Variants in DPF2 observed in about 807,000 individuals in gnomAD.
The protein encoded by DPF2 is zinc finger protein ubi-d4.
DPF2 carries 10 observed loss-of-function variants against 59.6 expected under a neutral mutation model. That is an observed-to-expected ratio of 0.17 (90% CI 0.10 to 0.28). DPF2 has a LOEUF of 0.28. Among genes scored for constraint, DPF2 ranks in the 10% least tolerant of loss-of-function variants. The probability of loss-of-function intolerance (pLI) is 1.00; values close to 1 mark genes in which losing one functional copy is unlikely to be tolerated. For synonymous variants in DPF2, 189 were observed against 190.6 expected (o/e 0.99, Z 0.07); for missense variants, 315 against 509.4 (o/e 0.62, Z 3.67).
intron 1 of DPF2, among the ~76,000 whole-genome samples, chr11:65,337,504 T>TATATAGAGAGAGAGAG (rs1282367012): frequency 4.7e-5 from 1 of 21,394 alleles, no homozygotes; most frequent in Non-Finnish European, 8.1e-5. Flanking sequence ...TATATATATA[T>TATATAGAGAGAGAGAG]AGAGAGAGAG....
intron 2 of DPF2, 27 bp from the exon 3 acceptor site, chr11:65,340,939 T>C (rs762876735): frequency 4.9e-5 from 79 of 1,610,008 alleles, no homozygotes; most frequent in Non-Finnish European, 6.5e-5. Context: ...GGTTAGGGCC[T>C]GACTTCTATC....
At position 65,341,498 on chromosome 11, in the gene DPF2, C is replaced by T. The variant is rs762767384; in HGVS notation, c.401C>T (p.Pro134Leu). 3.2e-5 allele frequency: 51 copies of T among 1,614,080 alleles called. No homozygotes were observed. Among genetic ancestry groups the T allele is most frequent in the African/African-American group, 1.6e-4 (12 of 74,916 alleles). The change falls in exon 4 of 11, where the codon CCG becomes CTG. Residue 134 changes from proline to leucine, a missense_variant. Around this residue, in one of 4 missense-constraint regions of DPF2, gnomAD observed 228 missense variants for 275.3 expected, o/e 0.83. Transcript: ENST00000528416. Reference protein sequence around the residue: ...RTDPLEKRGAPDPRVDDDSLG... With the variant: ...RTDPLEKRGALDPRVDDDSLG... ...GACCCCCTGGAGAAGCGAGGTGCCCCGGATCCCCGAGTTGATGATGACAGC... is the reference window on the plus strand; with the variant it reads ...GACCCCCTGGAGAAGCGAGGTGCCCTGGATCCCCGAGTTGATGATGACAGC...
chr11:65,341,494 G>C lies in DPF2; in HGVS notation c.397G>C (p.Ala133Pro), dbSNP rs776722476. 8.7e-6 allele frequency: 14 copies of C among 1,614,114 alleles called. No individual in the cohort carries two copies. Among genetic ancestry groups the C allele is most frequent in the Non-Finnish European group, 1.2e-5 (14 of 1,180,058 alleles). ...CACTGACCCCCTGGAGAAGCGAGGT[G>C]CCCCGGATCCCCGAGTTGATGATGA... ...LRTDPLEKRG[A>P]PDPRVDDDSL... is the part of the protein sequence containing the mutation. Residue 133 changes from alanine to proline, a missense_variant, in exon 4 of 11, where the codon GCC (alanine) becomes CCC (proline). By Grantham distance (27) the Ala-to-Pro change is conservative. Around this residue, in one of 4 missense-constraint regions of DPF2, gnomAD observed 228 missense variants for 275.3 expected, o/e 0.83. Transcript: ENST00000528416.
intron 10 of DPF2, among the ~76,000 whole-genome samples, chr11:65,351,061 T>C (rs1156387674): frequency 1.3e-5 from 2 of 151,874 alleles, no homozygotes; most frequent in Non-Finnish European, 2.9e-5. Flanking sequence ...TATTTAACAC[T>C]CTGGCTCTTT....
intron 1 of DPF2, 100 bp downstream of exon 1, chr11:65,334,018 C>T: frequency 3.3e-6 from 5 of 1,516,312 alleles, no homozygotes; most frequent in Non-Finnish European, 3.6e-6. Flanking sequence ...GAGGGACATC[C>T]CCGGGAAAGC....
rs571603981 is a variant in DPF2, at chr11:65,352,983, C to T, written c.*1224C>T. On this transcript the variant is annotated 3_prime_UTR_variant, in exon 11 of 11. Transcript: ENST00000528416. ...AAAAATAAATGTTTTTACACAGAGC[C>T]CTCTGCTGGATGGTTTATCTCCTGC... The T allele has an allele frequency of 2.0e-5, 3 of 151,910 alleles. No homozygotes were observed. The highest frequency in any genetic ancestry group is 3.9e-4 in the East Asian group (2 of 5,174). The allele number at this position is 151,910 out of a possible 1,614,324, so 9.4% of individuals were successfully genotyped here.
rs754720218 is a variant in DPF2, at chr11:65,341,064, A to G, written c.292A>G (p.Ile98Val). Residue 98 changes from isoleucine to valine, a missense_variant, in exon 3 of 11, where the codon ATT (isoleucine) becomes GTT (valine). Around this residue, in one of 4 missense-constraint regions of DPF2, gnomAD observed 228 missense variants for 275.3 expected, o/e 0.83. Coordinates refer to ENST00000528416, the MANE Select transcript of DPF2 (RefSeq NM_006268.5). ...PEDPRLSFPS[I>V]KPDTDQTLKK... is the part of the protein sequence containing the mutation. ...GGATCCACGACTTTCCTTCCCATCT[A>G]TTAAGCCAGGTAAGGCACATACTTC... 1.3e-5 allele frequency: 21 copies of G among 1,613,908 alleles called. No individual in the cohort carries two copies. The highest frequency in any genetic ancestry group is 1.6e-5 in the Non-Finnish European group (19 of 1,180,030).
At chr11:65,336,919 C>G (rs1280475143) in intron 1 of DPF2, among the ~76,000 whole-genome samples, 1 of 150,636 alleles carries the variant, frequency 6.6e-6, no homozygotes, top group Non-Finnish European at 1.5e-5. Flanking sequence ...TGAAACCCGT[C>G]TCTAGTAAAA....
intron 1 of DPF2, 59 bp from the exon 2 acceptor site, chr11:65,340,326 G>C: frequency 1.3e-6 from 2 of 1,587,232 alleles, no homozygotes; most frequent in Non-Finnish European, 1.7e-6. Flanking sequence ...GAGAGGAATA[G>C]CTCAGCACCC....
In DPF2 at chr11:65,337,473, AAATATATATAT is replaced by A. The variant is rs1391870240; in HGVS notation, c.33-2910_33-2900del. Among the ~76,000 whole-genome samples the A allele has an allele frequency of 6.4e-4, 28 of 43,728 alleles. 1 individual carries two copies. The highest frequency in any genetic ancestry group is 3.2e-3 in the East Asian group (4 of 1,248). 28.7% of individuals were successfully genotyped at this position (43,728 alleles called of 152,430 possible). A position where few individuals can be genotyped will look rare whatever the true frequency, so the allele number is the denominator to read the frequency against. ...ATCTCAAAAAAAAAAAAAAAAAAAA[AAATATATATAT>A]ATATATATATATATATATATAGAGA... is the stretch of plus-strand genomic sequence containing the variant. On this transcript the variant is annotated intron_variant, in intron 1 of 10. Transcript: ENST00000528416.
At chr11:65,348,071 G>A (rs188742600) in intron 9 of DPF2, 134 of 152,516 alleles carry the variant, frequency 8.8e-4, no homozygotes, top group African/African-American at 3.2e-3. Context: ...GATCACTTGA[G>A]CCCAGGAATT....
At chr11:65,340,319 A>G in intron 1 of DPF2, 66 bp from the exon 2 acceptor site, 1 of 1,550,232 alleles carries the variant, frequency 6.5e-7, no homozygotes, top group Non-Finnish European at 8.8e-7. Context: ...GGCAGGGGAG[A>G]GGAATAGCTC....
At chr11:65,346,587 A>G (rs1854538002) in intron 9 of DPF2, 2 of 476,178 alleles carry the variant, frequency 4.2e-6, no homozygotes, top group East Asian at 3.5e-5. Flanking sequence ...CTAAAGACAA[A>G]CAAGGTCCCT....
intron 1 of DPF2, among the ~76,000 whole-genome samples, chr11:65,339,255 A>C (rs562026880): frequency 2.6e-4 from 39 of 152,178 alleles, no homozygotes; most frequent in Non-Finnish European, 4.0e-4. Flanking sequence ...AAAAAAAAAA[A>C]AACAAGATTG....
chr11:65,353,491 C>A lies in DPF2; in HGVS notation c.*1732C>A, dbSNP rs1854783637. Among the ~76,000 whole-genome samples the A allele has an allele frequency of 1.3e-5, 2 of 152,238 alleles. No homozygotes were observed. Among genetic ancestry groups the A allele is most frequent in the Admixed American group, 1.3e-4 (2 of 15,288 alleles). ...TCAGTTGCCTGCAGCGCTCCCAGGCCAGAGCAAGTGCTCTAGGATCTGAAC... is the reference window on the plus strand; with the variant it reads ...TCAGTTGCCTGCAGCGCTCCCAGGCAAGAGCAAGTGCTCTAGGATCTGAAC... On this transcript the variant is annotated 3_prime_UTR_variant, in exon 11 of 11. Transcript: ENST00000528416.
chr11:65,335,252 C>G (rs998215858), intron 1 of DPF2, among the ~76,000 whole-genome samples: 1 of 152,056 alleles, frequency 6.6e-6, no homozygotes. Flanking sequence ...ACCATTTATC[C>G]AGTTATCCTT....
At chr11:65,338,267 T>C (rs1854264842) in intron 1 of DPF2, among the ~76,000 whole-genome samples, 1 of 152,180 alleles carries the variant, frequency 6.6e-6, no homozygotes, top group Non-Finnish European at 1.5e-5. Flanking sequence ...TCTTAAGAGC[T>C]CACTGTCATG....
intron 6 of DPF2, chr11:65,345,166 G>T (rs1005065791): frequency 5.8e-6 from 1 of 171,746 alleles, no homozygotes; most frequent in Admixed American, 5.6e-5. Context: ...CTATCCCCAA[G>T]AAACCCATCC....
At chr11:65,335,367 G>A (rs1414835384) in intron 1 of DPF2, among the ~76,000 whole-genome samples, 1 of 152,158 alleles carries the variant, frequency 6.6e-6, no homozygotes, top group Admixed American at 6.6e-5. Flanking sequence ...TAAAAAGGAA[G>A]ATTCTCATTG....
Sources: gnomAD v4.1 joint callset for allele counts (sites outside exome capture counted in the v4.1 genomes callset) on GRCh38, gnomAD v4.1.1 for gene constraint, gnomAD v4.1.1 regional missense constraint, MANE v1.5 for transcripts, NCBI Gene and HGNC (gene_info 2026-07-23, HGNC 2026-07-21) for gene names.